Variants in ZNF280C observed in about 807,000 individuals in gnomAD.
The protein encoded by ZNF280C is suppressor of hairy wing homolog 3.
ZNF280C carries 14 observed loss-of-function variants against 53.6 expected under a neutral mutation model. The ratio of observed to expected loss-of-function variants is 0.26; its 90% CI spans 0.17 to 0.41. ZNF280C has a LOEUF of 0.41. Ranked by LOEUF, ZNF280C falls within the 10% of genes least tolerant of loss-of-function variation. The pLI is 1.00. For missense variants in ZNF280C, 416 were observed against 547.1 expected (o/e 0.76, Z 2.39); for synonymous variants, 203 against 181.1 (o/e 1.12, Z -0.97).
chrX:130,258,129 AAATAAAT>A (rs1232428032), intron 2 of ZNF280C, among the ~76,000 whole-genome samples: 5 of 111,659 alleles, frequency 4.5e-5, no homozygotes, highest in Non-Finnish European at 9.4e-5. Context: ...AAAAAATAAA[AAATAAAT>A]AATAAATAAT....
intron 15 of ZNF280C, 71 bp downstream of exon 15, chrX:130,215,122 G>C: frequency 1.8e-6 from 2 of 1,135,819 alleles, no homozygotes; most frequent in South Asian, 3.8e-5. Flanking sequence ...CTTTCAATAG[G>C]ATAACTCTGT....
chrX:130,259,422 A>G (rs2032606987), intron 2 of ZNF280C, among the ~76,000 whole-genome samples: 1 of 112,578 alleles, frequency 8.9e-6, no homozygotes, highest in South Asian at 3.6e-4. Context: ...ATGGGAACAA[A>G]TAAATAGGTC....
chrX:130,207,622 A>C (rs2031990003), intron 16 of ZNF280C, among the ~76,000 whole-genome samples: 3 of 111,325 alleles, frequency 2.7e-5, no homozygotes, highest in Non-Finnish European at 5.7e-5. Flanking sequence ...TCAGCTGCCC[A>C]AAGTGCTGGG....
chrX:130,244,629 T>A, intron 3 of ZNF280C, among the ~76,000 whole-genome samples: 1 of 108,381 alleles, frequency 9.2e-6, no homozygotes, highest in East Asian at 2.9e-4. Flanking sequence ...TACAAAAAAA[T>A]TAGCTGGGCG....
intron 8 of ZNF280C, among the ~76,000 whole-genome samples, chrX:130,233,259 A>G (rs935449830): frequency 2.7e-5 from 3 of 111,543 alleles, no homozygotes; most frequent in Admixed American, 9.6e-5. Flanking sequence ...TTCAAGATGA[A>G]TAAGTCCTAG....
At chrX:130,232,004 G>A (rs1205953905) in intron 8 of ZNF280C, among the ~76,000 whole-genome samples, 3 of 105,014 alleles carry the variant, frequency 2.9e-5, no homozygotes, top group African/African-American at 1.1e-4. Context: ...TCCAGCCCGG[G>A]TGACAGAGCA....
rs1156950799 is a variant in ZNF280C at position 130,243,056 on chromosome X, T to A, written c.381+507A>T. ...AAGCATATTAGCTGATTTATTAATATGTTGGACAATTCCTGCAGTTATTAT... is the reference window on the plus strand; with the variant it reads ...AAGCATATTAGCTGATTTATTAATAAGTTGGACAATTCCTGCAGTTATTAT... On this transcript the variant is annotated intron_variant, in intron 5 of 18. Transcript: ENST00000370978. Among the ~76,000 whole-genome samples, 8 of 112,276 alleles carry A rather than the reference T, an allele frequency of 7.1e-5. No homozygotes were observed. In the East Asian group the frequency reaches 1.9e-3, roughly 27 times the overall value.
chrX:130,263,604 G>A (rs187303381), intron 1 of ZNF280C, among the ~76,000 whole-genome samples: 91 of 111,852 alleles, frequency 8.1e-4, no homozygotes, highest in Non-Finnish European at 1.0e-3. Context: ...TCTTACTGGG[G>A]TGATGAAAAT....
At chrX:130,258,136 T>A (rs915668408) in intron 2 of ZNF280C, among the ~76,000 whole-genome samples, 9 of 110,969 alleles carry the variant, frequency 8.1e-5, no homozygotes, top group South Asian at 7.6e-4. Flanking sequence ...AAAAAATAAA[T>A]AATAAATAAT....
chrX:130,215,195 C>T lies in ZNF280C; in HGVS notation c.1977G>A (p.Met659Ile), dbSNP rs756304702. ...NCNKAFVNHM[M>I]SSHSNHPGKR... ...GGCAGTTTACATGTTTAACTTACCT[C>T]ATCATATGATTTACAAAGGCTTTGT... Residue 659 changes from methionine (M) to isoleucine (I), a missense_variant and splice_region_variant, in exon 15 of 19, where the codon ATG (methionine) becomes ATA (isoleucine). Physicochemically the swap from Met to Ile is conservative, Grantham distance 10. Transcript: ENST00000370978. 2.5e-6 allele frequency: 3 copies of T among 1,206,634 alleles called. No homozygotes were observed. The highest frequency in any genetic ancestry group is 3.4e-6 in the Non-Finnish European group (3 of 893,368).
intron 13 of ZNF280C, among the ~76,000 whole-genome samples, chrX:130,217,929 G>A (rs1217318391): frequency 4.5e-5 from 5 of 112,005 alleles, no homozygotes; most frequent in Non-Finnish European, 5.6e-5. Flanking sequence ...CCAGCACTTT[G>A]GGAGGCCAAG....
intron 1 of ZNF280C, among the ~76,000 whole-genome samples, chrX:130,267,278 GA>G (rs113188829): frequency 1.8e-5 from 2 of 109,858 alleles, no homozygotes; most frequent in African/African-American, 6.6e-5. Flanking sequence ...TGAAAAAGTC[GA>G]AAAAAAATGA....
chrX:130,238,649 G>A (rs2032358155), intron 6 of ZNF280C, among the ~76,000 whole-genome samples: 1 of 111,012 alleles, frequency 9.0e-6, no homozygotes, highest in Non-Finnish European at 1.9e-5. Flanking sequence ...TGCAAAACCC[G>A]AGTTAAAACA....
chrX:130,235,797 T>C (rs2032325950), intron 8 of ZNF280C, among the ~76,000 whole-genome samples: 1 of 111,674 alleles, frequency 9.0e-6, no homozygotes, highest in African/African-American at 3.3e-5. Flanking sequence ...TCTATCTAAC[T>C]GTATATTTGT....
Position 130,205,419 on chromosome X carries a change from T to C in ZNF280C, c.2043-4A>G. 1 of 1,124,166 alleles carries C rather than the reference T, an allele frequency of 8.9e-7. No homozygotes were observed. The highest frequency in any genetic ancestry group is 1.2e-6 in the Non-Finnish European group (1 of 830,078). The allele number at this position is 1,124,166 out of a possible 1,213,427, so 92.6% of individuals were successfully genotyped here. Reference sequence around the variant, plus strand: ...AAGGCACACTAGAGTAATGCCCCTATGAAAAAAAAGAAGACAGTAAGAAAT... The same window carrying C: ...AAGGCACACTAGAGTAATGCCCCTACGAAAAAAAAGAAGACAGTAAGAAAT... On this transcript the variant is annotated splice_region_variant and splice_polypyrimidine_tract_variant and intron_variant, in intron 16 of 18. Coordinates refer to ENST00000370978, the MANE Select transcript of ZNF280C (RefSeq NM_017666.5).
intron 1 of ZNF280C, among the ~76,000 whole-genome samples, chrX:130,264,606 G>A (rs1360721808): frequency 9.0e-6 from 1 of 110,878 alleles, no homozygotes; most frequent in East Asian, 2.8e-4. Context: ...GTTAGCTATA[G>A]AAATGAAGGT....
intron 15 of ZNF280C, among the ~76,000 whole-genome samples, chrX:130,211,502 T>C (rs1157216720): frequency 9.0e-6 from 1 of 111,703 alleles, no homozygotes; most frequent in African/African-American, 3.3e-5. Flanking sequence ...CATACAGAAC[T>C]CAAACCTATG....
chrX:130,268,010 A>C (rs959798673), intron 1 of ZNF280C, among the ~76,000 whole-genome samples: 9 of 112,146 alleles, frequency 8.0e-5, no homozygotes, highest in Non-Finnish European at 1.5e-4. Flanking sequence ...AAAAGCATTA[A>C]AACCTGAGAG....
At position 130,260,414 on chromosome X, in the gene ZNF280C, C is replaced by T. The variant is rs201195646; in HGVS notation, c.31+5G>A. On this transcript the variant is annotated splice_donor_5th_base_variant and intron_variant, in intron 2 of 18. Coordinates refer to ENST00000370978, the MANE Select transcript of ZNF280C (RefSeq NM_017666.5). ...ATTAGTATCAACTACAGCAGAAATA[C>T]TTACTTTTTGGTTGAAAAGGTTTGT... 2 of 1,192,525 alleles carry T rather than the reference C, an allele frequency of 1.7e-6. No individual in the cohort carries two copies. The highest frequency in any genetic ancestry group is 3.0e-5 in the East Asian group (1 of 32,804).
Sources: gnomAD v4.1 joint callset for allele counts (sites outside exome capture counted in the v4.1 genomes callset) on GRCh38, gnomAD v4.1.1 for gene constraint, MANE v1.5 for transcripts, NCBI Gene and HGNC (gene_info 2026-07-23, HGNC 2026-07-21) for gene names.